POU2F2: variants seen among roughly 807,000 people sequenced by gnomAD.
The protein encoded by POU2F2 is POU domain, class 2, transcription factor 2.
In POU2F2, 14 loss-of-function variants were observed where a neutral mutation model predicts 63.5. The ratio of observed to expected loss-of-function variants is 0.22; its 90% CI spans 0.15 to 0.34. The LOEUF (loss-of-function observed/expected upper bound fraction) is 0.34. Among genes scored for constraint, POU2F2 ranks in the 10% least tolerant of loss-of-function variants. POU2F2 has a pLI of 1.00. For missense variants in POU2F2, 607 were observed against 815.2 expected (o/e 0.74, Z 3.11); for synonymous variants, 306 against 348.6 (o/e 0.88, Z 1.36).
intron 1 of POU2F2, among the ~76,000 whole-genome samples, chr19:42,196,128 G>A (rs992642330): frequency 6.6e-6 from 1 of 152,010 alleles, no homozygotes; most frequent in Non-Finnish European, 1.5e-5. Context: ...GGAGCTTCCC[G>A]GTGCCCCCAG....
intron 1 of POU2F2, among the ~76,000 whole-genome samples, chr19:42,195,463 C>T (rs2035132578): frequency 6.6e-6 from 1 of 150,818 alleles, no homozygotes; most frequent in Non-Finnish European, 1.5e-5. Context: ...CTCCCCAGTA[C>T]CTGGAACTAC....
chr19:42,150,256 T>C (rs911647410), intron 2 of POU2F2, among the ~76,000 whole-genome samples: 1 of 151,568 alleles, frequency 6.6e-6, no homozygotes, highest in Admixed American at 6.6e-5. Context: ...TCTGCAGGTT[T>C]GGGGTTAGGG....
At chr19:42,129,406 C>T (rs757197328) in intron 1 of POU2F2, among the ~76,000 whole-genome samples, 1 of 152,128 alleles carries the variant, frequency 6.6e-6, no homozygotes, top group Non-Finnish European at 1.5e-5. Context: ...CTCACTTGCC[C>T]GACTGCCCCA....
upstream of POU2F2, among the ~76,000 whole-genome samples, chr19:42,134,217 G>C (rs7250019): frequency 0.014 from 2,094 of 148,600 alleles, 36 homozygotes; most frequent in African/African-American, 0.038. Flanking sequence ...GGACATTATG[G>C]GGGGGGGCAA....
intron 2 of POU2F2, among the ~76,000 whole-genome samples, chr19:42,142,335 C>T (rs976676660): frequency 2.6e-5 from 4 of 152,006 alleles, no homozygotes; most frequent in Non-Finnish European, 4.4e-5. Context: ...GGATTACAGG[C>T]ACGTGCCACC....
rs1214211650 is a variant in POU2F2 at position 42,162,758 on chromosome 19, C to G, written c.-69-2366G>C. Among the ~76,000 whole-genome samples, 2 of 152,136 alleles carry G rather than the reference C, an allele frequency of 1.3e-5. No homozygotes were observed. Among genetic ancestry groups the G allele is most frequent in the African/African-American group, 4.8e-5 (2 of 41,422 alleles). On this transcript the variant is annotated intron_variant, in intron 1 of 6. Coordinates refer to the POU2F2 transcript ENST00000524801. The surrounding 1 kb of genome is among the most constrained non-coding windows in gnomAD (Gnocchi z 4.1). ...GCTCCTTTGGGGGTCCGAAGCATTGCCCAGCACAGGGAATGACCCCAAGCC... is the reference window on the plus strand; with the variant it reads ...GCTCCTTTGGGGGTCCGAAGCATTGGCCAGCACAGGGAATGACCCCAAGCC...
intron 7 of POU2F2, chr19:42,099,312 AAC>A (rs2077039068): frequency 3.5e-6 from 2 of 564,530 alleles, no homozygotes; most frequent in Non-Finnish European, 6.4e-6. Flanking sequence ...AAGGGTTAAG[AAC>A]CACTTGTCTG....
intron 1 of POU2F2, among the ~76,000 whole-genome samples, chr19:42,172,000 G>A (rs772629405): frequency 9.2e-5 from 14 of 152,198 alleles, no homozygotes; most frequent in Non-Finnish European, 1.8e-4. Context: ...CTGCCAGCCA[G>A]ATCAAGTTCC....
intron 2 of POU2F2, among the ~76,000 whole-genome samples, chr19:42,149,981 T>C (rs1285201642): frequency 1.3e-5 from 2 of 152,204 alleles, no homozygotes; most frequent in African/African-American, 4.8e-5. Flanking sequence ...CCTGGGGGAC[T>C]GAGAGCTGAA....
upstream of POU2F2, among the ~76,000 whole-genome samples, chr19:42,134,928 G>A (rs932087723): frequency 5.6e-4 from 85 of 152,134 alleles, 1 homozygote; most frequent in African/African-American, 2.0e-3. Flanking sequence ...CCGGGGGCCC[G>A]GCGGGGAGTG....
intron 5 of POU2F2, among the ~76,000 whole-genome samples, chr19:42,100,908 G>A (rs1246197999): frequency 6.6e-6 from 1 of 152,104 alleles, no homozygotes; most frequent in Non-Finnish European, 1.5e-5. Flanking sequence ...GACCATCCTG[G>A]CTAACACAGT....
At chr19:42,103,959 C>T (rs1485627360) in intron 5 of POU2F2, among the ~76,000 whole-genome samples, 3 of 151,878 alleles carry the variant, frequency 2.0e-5, no homozygotes, top group African/African-American at 7.3e-5. Flanking sequence ...CTTTAATATA[C>T]AAAGAGAGAT....
chr19:42,112,972 T>C (rs2031334136), intron 5 of POU2F2, among the ~76,000 whole-genome samples: 1 of 152,126 alleles, frequency 6.6e-6, no homozygotes, highest in Non-Finnish European at 1.5e-5. Flanking sequence ...AGCAAACTCC[T>C]TCCCATTCCC....
intron 5 of POU2F2, among the ~76,000 whole-genome samples, chr19:42,104,761 G>T (rs2077272024): frequency 6.6e-6 from 1 of 152,146 alleles, no homozygotes; most frequent in Non-Finnish European, 1.5e-5. Context: ...TTTGAAACAT[G>T]TACCTGGTCT....
chr19:42,095,159 G>C lies in POU2F2; in HGVS notation c.1197+127C>G, dbSNP rs1345693618. 1 of 1,211,802 alleles carries C rather than the reference G, an allele frequency of 8.3e-7. No individual in the cohort carries two copies. Among genetic ancestry groups the C allele is most frequent in the East Asian group, 2.6e-5 (1 of 39,024 alleles). 75.1% of individuals were successfully genotyped at this position (1,211,802 alleles called of 1,614,324 possible). On this transcript the variant is annotated intron_variant, in intron 11 of 14. Transcript: ENST00000692977. This position sits in a 1 kb window ranked among gnomAD's most constrained non-coding sequence, Gnocchi z 7.1. ...TGTAACTGTGCCCATCTACGTGATG[G>C]CCTGTCTCCAAGAGTGACTCTTCTT...
At chr19:42,188,190 C>T in intron 1 of POU2F2, among the ~76,000 whole-genome samples, 1 of 151,692 alleles carries the variant, frequency 6.6e-6, no homozygotes, top group East Asian at 1.9e-4. Context: ...CATAGTGAAA[C>T]CCCGTCTCTA....
intron 5 of POU2F2, among the ~76,000 whole-genome samples, chr19:42,114,567 C>G (rs1459648386): frequency 2.0e-5 from 3 of 152,174 alleles, no homozygotes; most frequent in Non-Finnish European, 4.4e-5. Context: ...ACACCTGCTG[C>G]TGGAGTCTCT....
At position 42,130,593 on chromosome 19, in the gene POU2F2, A is replaced by G. The variant is rs1257169180; in HGVS notation, c.28+1791T>C. On this transcript the variant is annotated intron_variant, in intron 1 of 14. Coordinates refer to ENST00000692977, the MANE Select transcript of POU2F2 (RefSeq NM_001394376.1). ...GAGAGGAACGAGTCAGTGGGAGCAG[A>G]CACCCTGGATCTCTGTGTCTACACT... is the stretch of plus-strand genomic sequence containing the variant. 5.3e-5 allele frequency among the ~76,000 whole-genome samples: 8 copies of G among 152,006 alleles called. 1 individual carries two copies. Among genetic ancestry groups the G allele is most frequent in the African/African-American group, 1.7e-4 (7 of 41,334 alleles).
intron 5 of POU2F2, chr19:42,110,711 C>A (rs1169183762): frequency 2.2e-6 from 1 of 456,128 alleles, no homozygotes; most frequent in Admixed American, 2.3e-5. Flanking sequence ...CCTCTTTAAG[C>A]CTCAGTTTCC....
Sources: allele counts gnomAD v4.1 joint callset (sites outside exome capture counted in the v4.1 genomes callset), GRCh38; gene constraint gnomAD v4.1.1; non-coding constraint Gnocchi (gnomAD v3.1); transcripts MANE v1.5; gene names NCBI Gene and HGNC (gene_info 2026-07-23, HGNC 2026-07-21).